Variants in DMD observed in about 807,000 individuals in gnomAD.
The protein encoded by DMD is dystrophin.
A neutral mutation model predicts 330.1 loss-of-function variants in DMD; 63 were observed. The ratio of observed to expected loss-of-function variants is 0.19; its 90% CI spans 0.16 to 0.24. The LOEUF (loss-of-function observed/expected upper bound fraction) is 0.24. Ranked by LOEUF, DMD falls within the 10% of genes least tolerant of loss-of-function variation. The pLI, the probability that DMD is intolerant of heterozygous loss-of-function variation, is 1.00. For missense variants in DMD, 3,344 were observed against 2,684.1 expected (o/e 1.25, Z -5.43); for synonymous variants, 1,223 against 959.8 (o/e 1.27, Z -5.07).
At chrX:32,606,707 A>G (rs2056737481) in intron 12 of DMD, among the ~76,000 whole-genome samples, 1 of 90,603 alleles carries the variant, frequency 1.1e-5, no homozygotes, top group South Asian at 5.7e-4. Flanking sequence ...ACATGTATAT[A>G]TGTGTGTATA....
chrX:33,263,491 G>A lies in DMD; in HGVS notation c.7+75768C>T, dbSNP rs568282124. ...CTCCCTTTTACTTTCTGTGTTATATGGATTTTGAGTTTCTTAGTTTTGAGC... is the reference window on the plus strand; with the variant it reads ...CTCCCTTTTACTTTCTGTGTTATATAGATTTTGAGTTTCTTAGTTTTGAGC... On this transcript the variant is annotated intron_variant, in intron 1 of 17. Coordinates refer to the DMD transcript ENST00000288447. Among the ~76,000 whole-genome samples, 121 of 107,463 alleles carry A rather than the reference G, an allele frequency of 1.1e-3. 1 individual carries two copies. The highest frequency in any genetic ancestry group is 5.0e-3 in the Middle Eastern group (1 of 202). 93.3% of individuals were successfully genotyped at this position (107,463 alleles called of 115,157 possible).
chrX:31,924,853 A>G (rs2094746204), intron 47 of DMD, among the ~76,000 whole-genome samples: 1 of 112,177 alleles, frequency 8.9e-6, no homozygotes, highest in Non-Finnish European at 1.9e-5. Flanking sequence ...TAAACAGTAT[A>G]TCTTATTTGT....
intron 2 of DMD, among the ~76,000 whole-genome samples, chrX:32,871,141 G>GT (rs2082961898): frequency 2.1e-5 from 1 of 46,683 alleles, no homozygotes. Flanking sequence ...ATCTTTTCCC[G>GT]TGTTTTTTTT....
intron 16 of DMD, among the ~76,000 whole-genome samples, chrX:32,552,424 G>A (rs778671012): frequency 5.2e-4 from 58 of 111,429 alleles, no homozygotes; most frequent in African/African-American, 1.4e-3. Flanking sequence ...AAATTAACCC[G>A]AGGTGGATTA....
intron 2 of DMD, among the ~76,000 whole-genome samples, chrX:32,897,983 G>T (rs765964668): frequency 2.7e-5 from 3 of 112,174 alleles, no homozygotes; most frequent in African/African-American, 9.7e-5. Flanking sequence ...TTATTTTTAA[G>T]AGTTTTTTCC....
chrX:31,832,310 G>A (rs2093067084), intron 49 of DMD, among the ~76,000 whole-genome samples: 1 of 111,690 alleles, frequency 9.0e-6, no homozygotes, highest in Admixed American at 9.6e-5. Context: ...AAGATTGTTA[G>A]GCAAAAAATA....
rs946941896 is a variant in DMD at position 32,489,643 on chromosome X, A to T, written c.2622+1634T>A. 3.6e-5 allele frequency among the ~76,000 whole-genome samples: 4 copies of T among 111,365 alleles called. No homozygotes were observed. In the Admixed American group the frequency reaches 3.8e-4, roughly 11 times the overall value. ...GAGTCTGTGGTATTTATTGTGGCAG[A>T]CTCAGCTGATTAATACACTCAGTAG... On this transcript the variant is annotated intron_variant, in intron 20 of 78. Transcript: ENST00000357033.
intron 51 of DMD, among the ~76,000 whole-genome samples, chrX:31,742,920 AAG>A (rs992870009): frequency 8.9e-6 from 1 of 112,133 alleles, no homozygotes; most frequent in African/African-American, 3.2e-5. Context: ...TCTACAGAAT[AAG>A]AGAATATATT....
chrX:33,119,906 G>A (rs2095412740), intron 1 of DMD, among the ~76,000 whole-genome samples: 1 of 111,192 alleles, frequency 9.0e-6, no homozygotes, highest in Non-Finnish European at 1.9e-5. Context: ...TCACTTACTG[G>A]GCTATCTGGT....
At chrX:32,750,698 T>TC (rs2070696758) in intron 7 of DMD, among the ~76,000 whole-genome samples, 1 of 110,765 alleles carries the variant, frequency 9.0e-6, no homozygotes, top group Non-Finnish European at 1.9e-5. Context: ...TGAGAACTTG[T>TC]CCTCCTATTT....
intron 44 of DMD, among the ~76,000 whole-genome samples, chrX:32,001,675 A>G (rs144340498): frequency 1.2e-3 from 129 of 111,714 alleles, no homozygotes; most frequent in African/African-American, 4.0e-3. Context: ...ATTGGAGGTA[A>G]AAATCAAATC....
intron 25 of DMD, 84 bp from the exon 26 acceptor site, chrX:32,454,916 C>G (rs2098350274): frequency 7.4e-6 from 8 of 1,079,118 alleles, no homozygotes; most frequent in Non-Finnish European, 1.0e-5. Flanking sequence ...ATGTAAATAA[C>G]AGAAAGCTTA....
intron 50 of DMD, among the ~76,000 whole-genome samples, chrX:31,795,428 T>C (rs1193215778): frequency 2.7e-5 from 3 of 111,902 alleles, no homozygotes; most frequent in Non-Finnish European, 5.6e-5. Context: ...TAACAAGAAA[T>C]TATGTTACCC....
At position 32,298,855 on chromosome X, in the gene DMD, C is replaced by G. The variant is rs1261426837; in HGVS notation, c.6118-11154G>C. Among the ~76,000 whole-genome samples the G allele has an allele frequency of 5.5e-5, 5 of 90,491 alleles. No homozygotes were observed. In the Admixed American group the frequency reaches 5.7e-4, roughly 10 times the overall value. The allele number at this position is 90,491 out of a possible 115,157, so 78.6% of individuals were successfully genotyped here. ...GGAGTTAGCCCTTTGATGGTTGATT[C>G]TGCTTAAGGCTACATCAAGGTGTTT... On this transcript the variant is annotated intron_variant, in intron 42 of 78. Transcript: ENST00000357033.
At chrX:32,658,040 T>A (rs891084326) in intron 9 of DMD, among the ~76,000 whole-genome samples, 1 of 111,913 alleles carries the variant, frequency 8.9e-6, no homozygotes, top group East Asian at 2.8e-4. Flanking sequence ...TATACTGCAC[T>A]TAAATAATAT....
intron 44 of DMD, among the ~76,000 whole-genome samples, chrX:32,082,959 G>A (rs769927548): frequency 9.0e-6 from 1 of 111,629 alleles, no homozygotes; most frequent in Non-Finnish European, 1.9e-5. Context: ...GTCAATATTA[G>A]ATCCAAAGCA....
In DMD at chrX:32,348,517, A is replaced by G. The variant is rs201321189; in HGVS notation, c.5337T>C (p.Pro1779=). The change falls in exon 38 of 79, where the codon CCT becomes CCC. Residue 1779 remains proline, a synonymous_variant. Transcript: ENST00000357033. Reference sequence around the variant, plus strand: ...AGTTAAACTGCTCCAATTCCTTCAAAGGAATGGAGGCCTAAAAAAAAAGAT... The same window carrying G: ...AGTTAAACTGCTCCAATTCCTTCAAGGGAATGGAGGCCTAAAAAAAAAGAT... ...HRIKTGKASI[P]LKELEQFNSD... is the part of the protein sequence containing the mutation. 1 of 1,201,598 alleles carries G rather than the reference A, an allele frequency of 8.3e-7. No homozygotes were observed. The highest frequency in any genetic ancestry group is 3.0e-5 in the East Asian group (1 of 33,532).
At chrX:32,621,942 G>A (rs2058027482) in intron 11 of DMD, among the ~76,000 whole-genome samples, 1 of 111,437 alleles carries the variant, frequency 9.0e-6, no homozygotes, top group Non-Finnish European at 1.9e-5. Context: ...ATGAGGTCTA[G>A]AAATGTGTAT....
chrX:32,684,128 G>A (rs2062670893), intron 9 of DMD, among the ~76,000 whole-genome samples: 1 of 109,107 alleles, frequency 9.2e-6, no homozygotes. Context: ...GAGATAAAGT[G>A]CTGTTAGAGA....
Sources: allele counts gnomAD v4.1 joint callset (sites outside exome capture counted in the v4.1 genomes callset), GRCh38; gene constraint gnomAD v4.1.1; transcripts MANE v1.5; gene names NCBI Gene and HGNC (gene_info 2026-07-23, HGNC 2026-07-21).